Variants in LMF1 observed in about 807,000 individuals in gnomAD.
The protein encoded by LMF1 is lipase maturation factor 1.
LMF1 carries 68 observed loss-of-function variants against 60.6 expected under a neutral mutation model. The ratio of observed to expected loss-of-function variants is 1.12; its 90% CI spans 0.92 to 1.37. The LOEUF is 1.37. Ranked by LOEUF, LMF1 falls within the 40% of genes most tolerant of loss-of-function variation. The probability of loss-of-function intolerance (pLI) is 0.00; values close to 1 mark genes in which losing one functional copy is unlikely to be tolerated. For synonymous variants in LMF1, 418 were observed against 324.7 expected (o/e 1.29, Z -3.09); for missense variants, 948 against 767.2 (o/e 1.24, Z -2.78).
At chr16:869,101 C>A (rs945611792) in intron 9 of LMF1, 45 bp from the exon 10 acceptor site, 1 of 1,239,238 alleles carries the variant, frequency 8.1e-7, no homozygotes, top group Non-Finnish European at 1.2e-6. Context: ...CACTCGCTGT[C>A]CAGGCACAGC....
At chr16:889,133 T>G (rs1436904498) in intron 5 of LMF1, among the ~76,000 whole-genome samples, 1 of 151,786 alleles carries the variant, frequency 6.6e-6, no homozygotes, top group Non-Finnish European at 1.5e-5. Context: ...CCTGGTGGAG[T>G]CCACAGAGAT....
chr16:907,003 A>C (rs951194301), intron 4 of LMF1, among the ~76,000 whole-genome samples: 3 of 152,252 alleles, frequency 2.0e-5, no homozygotes, highest in Non-Finnish European at 2.9e-5. Context: ...CGAGGCATAC[A>C]GGCTGCATTT....
At chr16:871,013 A>G in intron 7 of LMF1, 131 bp from the exon 8 acceptor site, 1 of 1,406,822 alleles carries the variant, frequency 7.1e-7, no homozygotes, top group Non-Finnish European at 9.5e-7. Context: ...ACCCGAACTC[A>G]CACACCTTGT....
chr16:875,708 C>T (rs2069952590), intron 6 of LMF1, among the ~76,000 whole-genome samples: 1 of 152,204 alleles, frequency 6.6e-6, no homozygotes, highest in African/African-American at 2.4e-5. Flanking sequence ...AACACCCCTG[C>T]CTGGGCTGTG....
Position 853,883 on chromosome 16 carries a change from G to C in LMF1, c.*649C>G, listed in dbSNP as rs1472534190. 2.2e-6 allele frequency: 1 copy of C among 454,024 alleles called. No homozygotes were observed. Among genetic ancestry groups the C allele is most frequent in the African/African-American group, 2.0e-5 (1 of 50,006 alleles). 28.1% of individuals were successfully genotyped at this position (454,024 alleles called of 1,614,324 possible). The stretch of plus-strand genomic sequence containing the variant: ...CACCTCACAGACACCAGTCATGGGG[G>C]GATGAAACCGGGCCAAGAACACATG... On this transcript the variant is annotated 3_prime_UTR_variant, in exon 11 of 11. Transcript: ENST00000262301.
At position 862,346 on chromosome 16, in the gene LMF1, G is replaced by A. The variant is rs564400646; in HGVS notation, c.1529+6598C>T. Among the ~76,000 whole-genome samples the A allele has an allele frequency of 2.6e-5, 4 of 152,094 alleles. No individual in the cohort carries two copies. In the South Asian group the frequency reaches 6.2e-4, roughly 24 times the overall value. On this transcript the variant is annotated intron_variant, in intron 10 of 10. Coordinates refer to ENST00000262301, the MANE Select transcript of LMF1 (RefSeq NM_022773.4). Reference sequence around the variant, plus strand: ...TTTAGCAAAGATGGGGTTTCACCATGTTGGCCAGGCTGGTCTTGAACTCCT... The same window carrying A: ...TTTAGCAAAGATGGGGTTTCACCATATTGGCCAGGCTGGTCTTGAACTCCT...
At chr16:920,327 C>T (rs75444029) in intron 3 of LMF1, among the ~76,000 whole-genome samples, 1,890 of 152,330 alleles carry the variant, frequency 0.012, 22 homozygotes, top group South Asian at 0.097. Context: ...TCCACACGGA[C>T]GCAGGAAAGC....
chr16:945,680 G>A (rs184919875), intron 2 of LMF1, among the ~76,000 whole-genome samples: 10 of 152,292 alleles, frequency 6.6e-5, no homozygotes, highest in Admixed American at 3.9e-4. Context: ...AGAAAGGGTC[G>A]GGAATCTATT....
chr16:919,282 C>T (rs567946471), intron 3 of LMF1, among the ~76,000 whole-genome samples: 191 of 152,278 alleles, frequency 1.3e-3, no homozygotes, highest in African/African-American at 4.3e-3. Flanking sequence ...CACACACTCA[C>T]AGGGAAGGAA....
chr16:907,074 T>A (rs1396885005), intron 4 of LMF1, among the ~76,000 whole-genome samples: 1 of 152,228 alleles, frequency 6.6e-6, no homozygotes, highest in Non-Finnish European at 1.5e-5. Flanking sequence ...ATACTTAACA[T>A]TTTCATTTTG....
chr16:976,605 G>C (rs1199250588), intron 1 of LMF1: 2 of 454,016 alleles, frequency 4.4e-6, no homozygotes, highest in Non-Finnish European at 8.8e-6. Flanking sequence ...CCCATTATCA[G>C]ACGAGAAGTG....
chr16:922,882 G>A (rs890780729), intron 3 of LMF1, among the ~76,000 whole-genome samples: 1 of 121,290 alleles, frequency 8.2e-6, no homozygotes, highest in African/African-American at 4.0e-5. Flanking sequence ...TGTTGGTGTC[G>A]TGTTGTTGCG....
chr16:934,099 C>G (rs1284410713), intron 3 of LMF1, 145 bp downstream of exon 3: 1 of 1,538,018 alleles, frequency 6.5e-7, no homozygotes, highest in African/African-American at 1.4e-5. Flanking sequence ...AGATCACAAG[C>G]GCCCATCACT....
At chr16:911,539 G>A (rs1211050461) in intron 3 of LMF1, among the ~76,000 whole-genome samples, 14 of 90,506 alleles carry the variant, frequency 1.5e-4, no homozygotes, top group African/African-American at 2.0e-4. Flanking sequence ...GCACTGGGGG[G>A]GCAGCACTGG....
intron 1 of LMF1, among the ~76,000 whole-genome samples, chr16:969,652 C>G (rs1233283349): frequency 6.6e-6 from 1 of 152,250 alleles, no homozygotes; most frequent in Non-Finnish European, 1.5e-5. Flanking sequence ...CGGCCTACAA[C>G]CAACGCGTGG....
upstream of LMF1, among the ~76,000 whole-genome samples, chr16:972,367 G>A (rs950128398): frequency 2.6e-5 from 4 of 152,258 alleles, no homozygotes; most frequent in African/African-American, 9.6e-5. Flanking sequence ...CGGGAGCGTG[G>A]TGTGTGCCTG....
chr16:911,158 T>A, intron 3 of LMF1, 79 bp from the exon 4 acceptor site: 1 of 1,492,690 alleles, frequency 6.7e-7, no homozygotes, highest in Non-Finnish European at 9.2e-7. Flanking sequence ...AAACTCAGTT[T>A]AATGGAAACG....
At chr16:925,941 T>C (rs533081446) in intron 3 of LMF1, among the ~76,000 whole-genome samples, 11 of 152,146 alleles carry the variant, frequency 7.2e-5, no homozygotes, top group African/African-American at 2.6e-4. Flanking sequence ...GATCTGCATA[T>C]GTGTCTGTGT....
intron 4 of LMF1, chr16:902,561 C>A (rs2070844005): frequency 5.8e-6 from 1 of 172,064 alleles, no homozygotes; most frequent in South Asian, 1.3e-4. Flanking sequence ...CGAGGACAGT[C>A]TGGCTCAGTG....
Sources: allele counts gnomAD v4.1 joint callset (sites outside exome capture counted in the v4.1 genomes callset), GRCh38; gene constraint gnomAD v4.1.1; transcripts MANE v1.5; gene names NCBI Gene and HGNC (gene_info 2026-07-23, HGNC 2026-07-21).